The following ABCA13 variants were observed in gnomAD, a reference collection of about 807,000 sequenced individuals.
ABCA13 encodes the protein ATP-binding cassette sub-family A member 13.
A neutral mutation model predicts 478.7 loss-of-function variants in ABCA13; 476 were observed. The observed-to-expected ratio is 0.99, with a 90% CI of 0.92 to 1.07. The LOEUF is 1.07. ABCA13 is among the 50% of genes least tolerant of loss of function. The probability of loss-of-function intolerance (pLI) is 0.00; values close to 1 mark genes in which losing one functional copy is unlikely to be tolerated. For synonymous variants in ABCA13, 2,252 were observed against 2,158.9 expected (o/e 1.04, Z -1.20); for missense variants, 6,060 against 5,910.6 (o/e 1.03, Z -0.83).
chr7:48,637,187 G>GC (rs1794707738), intron 59 of ABCA13, among the ~76,000 whole-genome samples: 1 of 151,766 alleles, frequency 6.6e-6, no homozygotes, highest in Non-Finnish European at 1.5e-5. Flanking sequence ...CACTTACAAA[G>GC]CTGCCATCTT....
At chr7:48,301,351 A>G (rs1343368983) in intron 23 of ABCA13, among the ~76,000 whole-genome samples, 1 of 152,138 alleles carries the variant, frequency 6.6e-6, no homozygotes, top group Non-Finnish European at 1.5e-5. Flanking sequence ...TGCGACATTA[A>G]CAGAGCTGCT....
At chr7:48,314,557 T>C in intron 26 of ABCA13, 148 bp downstream of exon 26, 1 of 755,794 alleles carries the variant, frequency 1.3e-6, no homozygotes, top group South Asian at 2.2e-5. Context: ...AATGCTGGCA[T>C]GGCAGCTGAC....
Position 48,281,402 on chromosome 7 carries a change from T to C in ABCA13, c.8786T>C (p.Met2929Thr). 1 of 1,609,728 alleles carries C rather than the reference T, an allele frequency of 6.2e-7. No individual in the cohort carries two copies. The highest frequency in any genetic ancestry group is 1.7e-4 in the Middle Eastern group (1 of 6,060). The change falls in exon 19 of 62, where the codon ATG (methionine) becomes ACG (threonine). Residue 2929 changes from methionine to threonine, a missense_variant. Met to Thr is a moderately conservative substitution (Grantham distance 81, BLOSUM62 -1). Around this residue, in one of 3 missense-constraint regions of ABCA13, gnomAD observed 4,423 missense variants for 4,309.1 expected, o/e 1.03. Coordinates refer to ENST00000435803, the MANE Select transcript of ABCA13 (RefSeq NM_152701.5). ...GTGAAGCCCTCAGAAGCCATGGAGATGCTGCAGAAAGTGAAGATGATGGTC... is the reference window on the plus strand; with the variant it reads ...GTGAAGCCCTCAGAAGCCATGGAGACGCTGCAGAAAGTGAAGATGATGGTC... ...QTVKPSEAME[M>T]LQKVKMMVVR...
At chr7:48,637,466 C>T (rs1794766810) in intron 59 of ABCA13, among the ~76,000 whole-genome samples, 1 of 145,316 alleles carries the variant, frequency 6.9e-6, no homozygotes, top group African/African-American at 2.6e-5. Flanking sequence ...CTTGGCCTCT[C>T]AAGGTGACTG....
intron 19 of ABCA13, among the ~76,000 whole-genome samples, chr7:48,283,327 C>A (rs1797300780): frequency 6.6e-6 from 1 of 151,544 alleles, no homozygotes; most frequent in African/African-American, 2.4e-5. Context: ...ATCCATTTTT[C>A]AAAACAAAAA....
chr7:48,229,870 A>C lies in ABCA13; in HGVS notation c.678A>C (p.Gln226His), dbSNP rs776172158. 5.6e-6 allele frequency: 9 copies of C among 1,613,886 alleles called. No homozygotes were observed. In the African/African-American group the frequency reaches 1.2e-4, roughly 22 times the overall value. The change falls in exon 7 of 62, where the codon CAA (glutamine) becomes CAC (histidine). Residue 226 changes from glutamine (Q) to histidine (H), a missense_variant. Physicochemically the swap from Gln to His is conservative, Grantham distance 24. Coordinates refer to ENST00000435803, the MANE Select transcript of ABCA13 (RefSeq NM_152701.5). The stretch of plus-strand genomic sequence containing the variant: ...ATTTAGATTGGCTTCCACTCAACCA[A>C]ACTTTTTCCCAGGTTTCTGAACTTG... The part of the protein sequence containing the change: ...LEDLDWLPLN[Q>H]TFSQVSELVL...
At position 48,587,037 on chromosome 7, in the gene ABCA13, A is replaced by G. The variant is rs370250415; in HGVS notation, c.14506-117A>G. 3.8e-6 allele frequency: 5 copies of G among 1,326,970 alleles called. No individual in the cohort carries two copies. The East Asian group carries it at 9.9e-5, about 26-fold the overall frequency. The allele number at this position is 1,326,970 out of a possible 1,614,324, so 82.2% of individuals were successfully genotyped here. On this transcript the variant is annotated intron_variant, in intron 56 of 61. Transcript: ENST00000435803. ...TGTTTCAGGAGATGTACTTGATTGT[A>G]TGTGTGAAGGTCGGCAGGGTTAGTG...
chr7:48,498,170 A>C (rs1270585745), intron 48 of ABCA13, among the ~76,000 whole-genome samples: 3 of 152,240 alleles, frequency 2.0e-5, no homozygotes, highest in African/African-American at 4.8e-5. Flanking sequence ...GGGGAGTGGA[A>C]GATTCACTAC....
chr7:48,617,814 G>C (rs563973766), intron 59 of ABCA13, among the ~76,000 whole-genome samples: 1 of 152,090 alleles, frequency 6.6e-6, no homozygotes. Context: ...CAGTTCACTC[G>C]GACAAAGCAG....
chr7:48,525,925 G>A (rs1378735746), intron 54 of ABCA13, among the ~76,000 whole-genome samples: 1 of 151,820 alleles, frequency 6.6e-6, no homozygotes, highest in East Asian at 1.9e-4. Context: ...AGTGTGTGTT[G>A]TTCCCCTCCC....
intron 42 of ABCA13, among the ~76,000 whole-genome samples, chr7:48,444,570 G>C (rs1824035749): frequency 6.6e-6 from 1 of 152,028 alleles, no homozygotes; most frequent in Admixed American, 6.6e-5. Context: ...GCTTCATCCT[G>C]ACCTTCATCT....
chr7:48,396,115 C>G (rs1487654532), intron 38 of ABCA13, among the ~76,000 whole-genome samples: 1 of 152,186 alleles, frequency 6.6e-6, no homozygotes, highest in Admixed American at 6.5e-5. Context: ...GCTGGTTTTC[C>G]TTATTTATTA....
In ABCA13 at chr7:48,463,113, TTTTTG is replaced by T. The variant is rs994401802; in HGVS notation, c.12816-3823_12816-3819del. ...CTGTGTAGGCATGTGCTTCTCTGTTTTTTTGTTTTGTTTTGTTTTGTTTTTAATTT... is the reference window on the plus strand; with the variant it reads ...CTGTGTAGGCATGTGCTTCTCTGTTTTTTTGTTTTGTTTTGTTTTTAATTT... On this transcript the variant is annotated intron_variant, in intron 43 of 61. Transcript: ENST00000435803. Among the ~76,000 whole-genome samples, 350 of 152,264 alleles carry T rather than the reference TTTTTG, an allele frequency of 2.3e-3. 2 individuals are homozygous for T. Among genetic ancestry groups the T allele is most frequent in the African/African-American group, 7.7e-3 (322 of 41,554 alleles).
intron 3 of ABCA13, among the ~76,000 whole-genome samples, chr7:48,212,595 A>G (rs1281957644): frequency 6.6e-6 from 1 of 152,110 alleles, no homozygotes; most frequent in African/African-American, 2.4e-5. Context: ...TCTTGCTAAC[A>G]CTTATTATGT....
At chr7:48,175,085 G>T (rs1278913629) in intron 1 of ABCA13, among the ~76,000 whole-genome samples, 1 of 152,196 alleles carries the variant, frequency 6.6e-6, no homozygotes, top group African/African-American at 2.4e-5. Flanking sequence ...TGACCCCATG[G>T]ATAGTTCCAG....
chr7:48,497,451 A>C (rs1165386064), intron 48 of ABCA13, among the ~76,000 whole-genome samples: 1 of 152,114 alleles, frequency 6.6e-6, no homozygotes, highest in Non-Finnish European at 1.5e-5. Context: ...AACTGGTAAT[A>C]TTCTGGCTCT....
chr7:48,422,741 T>C (rs1175337604), intron 41 of ABCA13, among the ~76,000 whole-genome samples: 2 of 152,210 alleles, frequency 1.3e-5, no homozygotes, highest in African/African-American at 2.4e-5. Context: ...AGCCTGTAAG[T>C]GTTACCCATA....
chr7:48,450,126 A>C (rs573416447), intron 42 of ABCA13, among the ~76,000 whole-genome samples: 4 of 152,304 alleles, frequency 2.6e-5, no homozygotes, highest in African/African-American at 7.2e-5. Context: ...ATACTCACTG[A>C]ATTTAATTCC....
At chr7:48,312,993 T>C in intron 24 of ABCA13, 74 bp from the exon 25 acceptor site, 1 of 1,419,292 alleles carries the variant, frequency 7.0e-7, no homozygotes, top group Non-Finnish European at 9.3e-7. Context: ...TTTTCACAGC[T>C]CAAAAGATGC....
Sources: allele counts gnomAD v4.1 joint callset (sites outside exome capture counted in the v4.1 genomes callset), GRCh38; gene constraint gnomAD v4.1.1; regional missense constraint gnomAD v4.1.1; transcripts MANE v1.5; gene names NCBI Gene and HGNC (gene_info 2026-07-23, HGNC 2026-07-21).